HAVCR1: variants seen among roughly 807,000 people sequenced by gnomAD.
HAVCR1 encodes hepatitis A virus cellular receptor 1, also known as T cell immunoglobin domain and mucin domain protein 1.
A neutral mutation model predicts 32.0 loss-of-function variants in HAVCR1; 34 were observed. The observed-to-expected ratio is 1.06, with a 90% confidence interval of 0.81 to 1.42. HAVCR1 has a LOEUF of 1.42. Ranked by LOEUF, HAVCR1 falls within the 40% of genes most tolerant of loss-of-function variation. HAVCR1 has a pLI of 0.00. For missense variants in HAVCR1, 420 were observed against 442.3 expected, an observed-to-expected ratio of 0.95 and a Z score of 0.45; for synonymous variants, 178 against 170.3, an observed-to-expected ratio of 1.05 and a Z score of -0.35.
chr5:157,052,829 A>G (rs1274052540), intron 3 of HAVCR1, among the ~76,000 whole-genome samples, 175 bp from the exon 4 acceptor site: 2 of 152,220 alleles, frequency 1.3e-5, no homozygotes, highest in African/African-American at 4.8e-5. Flanking sequence ...AGGGCCTTGG[A>G]GACATACCCC....
At chr5:157,050,081 T>C (rs1755648232) in intron 4 of HAVCR1, among the ~76,000 whole-genome samples, 1 of 152,206 alleles carries the variant, frequency 6.6e-6, no homozygotes, top group African/African-American at 2.4e-5. Context: ...AAACCTGGCT[T>C]TCCTTATTGC....
At position 157,044,686 on chromosome 5, in the gene HAVCR1, G is replaced by GAGGA. The variant is rs1184792264; in HGVS notation, c.782-2008_782-2005dup. On this transcript the variant is annotated intron_variant, in intron 5 of 8. Coordinates refer to ENST00000523175, the MANE Select transcript of HAVCR1 (RefSeq NM_001173393.3). Reference sequence around the variant, plus strand: ...GAAAGAAAGAAAGAAAGGAGGGAGGGAGGAAGGAAGGAAGGAAGGAGAAAA... The same window carrying GAGGA: ...GAAAGAAAGAAAGAAAGGAGGGAGGGAGGAAGGAAGGAAGGAAGGAAGGAGAAAA... 8.5e-5 allele frequency among the ~76,000 whole-genome samples: 9 copies of GAGGA among 106,376 alleles called. 1 individual carries two copies. Among genetic ancestry groups the GAGGA allele is most frequent in the African/African-American group, 2.3e-4 (7 of 30,228 alleles). 69.8% of individuals were successfully genotyped at this position (106,376 alleles called of 152,430 possible).
intron 3 of HAVCR1, 113 bp downstream of exon 3, chr5:157,055,088 T>C (rs2270925): frequency 0.64 from 379,110 of 594,520 alleles, 124,125 homozygotes; most frequent in East Asian, 0.85. Context: ...GAACAAGAGT[T>C]TATTTAAAAA....
At chr5:157,039,629 G>A (rs10428636) in intron 6 of HAVCR1, among the ~76,000 whole-genome samples, 6,651 of 152,282 alleles carry the variant, frequency 0.044, 362 homozygotes, top group African/African-American at 0.12. Flanking sequence ...AATTACAGGC[G>A]TGAGCCAGCG....
chr5:157,056,537 G>A (rs1756160400), intron 2 of HAVCR1, among the ~76,000 whole-genome samples: 2 of 151,710 alleles, frequency 1.3e-5, no homozygotes, highest in Middle Eastern at 3.4e-3. Flanking sequence ...ACGCCGCCAC[G>A]CCCGGCTAAT....
At chr5:157,045,682 C>G (rs1172762400) in intron 5 of HAVCR1, among the ~76,000 whole-genome samples, 1 of 152,132 alleles carries the variant, frequency 6.6e-6, no homozygotes, top group Non-Finnish European at 1.5e-5. Flanking sequence ...ATACATCTGT[C>G]AAAGGTGGGT....
intron 1 of HAVCR1, 40 bp downstream of exon 1, chr5:157,058,881 A>C (rs1353340381): frequency 6.6e-6 from 1 of 152,248 alleles, no homozygotes; most frequent in Non-Finnish European, 1.5e-5. Context: ...AGGGACTTCA[A>C]GAGAATGCTT....
chr5:157,066,031 G>C, the HAVCR1 span, among the ~76,000 whole-genome samples: 5 of 123,266 alleles, frequency 4.1e-5, no homozygotes, highest in Admixed American at 4.8e-4. Flanking sequence ...ACTCCAGCCT[G>C]GGCGAGAGAG....
At chr5:157,041,152 A>G (rs1754867628) in intron 6 of HAVCR1, among the ~76,000 whole-genome samples, 1 of 152,222 alleles carries the variant, frequency 6.6e-6, no homozygotes, top group Non-Finnish European at 1.5e-5. Flanking sequence ...GAAAAAAAGT[A>G]TGGAAACATT....
In HAVCR1 at chr5:157,056,058, T is replaced by C. The variant is rs141733207; in HGVS notation, c.47-525A>G. ...CCCGCCTCCTGGGTTCAAGCAATTC[T>C]CATGCATCAGCCTCCCAAGTAGCTG... On this transcript the variant is annotated intron_variant, in intron 2 of 8. Coordinates refer to ENST00000523175, the MANE Select transcript of HAVCR1 (RefSeq NM_001173393.3). 3.5e-3 allele frequency among the ~76,000 whole-genome samples: 537 copies of C among 151,970 alleles called. 5 individuals carry two copies. Among genetic ancestry groups the C allele is most frequent in the African/African-American group, 0.012 (494 of 41,498 alleles).
At chr5:157,048,923 T>C (rs1755575686) in intron 5 of HAVCR1, 115 bp downstream of exon 5, 1 of 686,974 alleles carries the variant, frequency 1.5e-6, no homozygotes, top group Non-Finnish European at 2.7e-6. Context: ...GACTGATCTG[T>C]GTGCCTGGTG....
chr5:157,042,432 A>T (rs1754960049), intron 6 of HAVCR1, among the ~76,000 whole-genome samples, 195 bp downstream of exon 6: 1 of 113,458 alleles, frequency 8.8e-6, no homozygotes, highest in Non-Finnish European at 1.8e-5. Context: ...ACAGAGCAAG[A>T]CTCCGTCTCA....
intron 6 of HAVCR1, among the ~76,000 whole-genome samples, chr5:157,037,944 T>C (rs1754636200): frequency 6.6e-6 from 1 of 151,824 alleles, no homozygotes; most frequent in South Asian, 2.1e-4. Flanking sequence ...ACCCGGGAGG[T>C]TGCAGTGAGC....
At chr5:157,029,929 G>A (rs1005220481) in intron 8 of HAVCR1, 88 bp from the exon 9 acceptor site, 3 of 1,041,044 alleles carry the variant, frequency 2.9e-6, no homozygotes, top group Non-Finnish European at 4.2e-6. Flanking sequence ...TTTATGATCA[G>A]GCAATATCAG....
upstream of HAVCR1, among the ~76,000 whole-genome samples, chr5:157,061,044 C>G (rs561893997): frequency 6.6e-6 from 1 of 152,150 alleles, no homozygotes; most frequent in Non-Finnish European, 1.5e-5. Context: ...ACTACAGACA[C>G]GCGCCACCAT....
At position 157,043,766 on chromosome 5, in the gene HAVCR1, T is replaced by G. The variant is rs1182393287; in HGVS notation, c.782-1084A>C. 2.6e-5 allele frequency among the ~76,000 whole-genome samples: 4 copies of G among 152,202 alleles called. No individual in the cohort carries two copies. In the East Asian group the frequency reaches 7.7e-4, roughly 29 times the overall value. ...TCTACCATGTAGTGAACACTTTACC[T>G]TCTAACAACCAGTTAGTTCCTTAAT... is the stretch of plus-strand genomic sequence containing the variant. On this transcript the variant is annotated intron_variant, in intron 5 of 8. Coordinates refer to ENST00000523175, the MANE Select transcript of HAVCR1 (RefSeq NM_001173393.3).
Position 157,029,663 on chromosome 5 carries a change from T to A in HAVCR1, c.*70A>T, listed in dbSNP as rs1561575186. 1.2e-6 allele frequency: 2 copies of A among 1,604,324 alleles called. No individual in the cohort carries two copies. The highest frequency in any genetic ancestry group is 2.7e-5 in the African/African-American group (2 of 74,808). On this transcript the variant is annotated 3_prime_UTR_variant, in exon 9 of 9. Coordinates refer to ENST00000523175, the MANE Select transcript of HAVCR1 (RefSeq NM_001173393.3). ...AAATTGTCTTGGGGTCTAAAAGACG[T>A]CTGATGTGCTGATGTCTGTTCAGTC... is the stretch of plus-strand genomic sequence containing the variant.
intron 3 of HAVCR1, 62 bp downstream of exon 3, chr5:157,055,139 A>C (rs1274697408): frequency 1.1e-6 from 1 of 912,616 alleles, no homozygotes; most frequent in Admixed American, 2.4e-5. Flanking sequence ...TTAAGAAAAA[A>C]GAAAATTACT....
the HAVCR1 span, among the ~76,000 whole-genome samples, chr5:157,064,339 C>CAAAAAAA: frequency 3.2e-5 from 2 of 63,332 alleles, no homozygotes; most frequent in African/African-American, 9.1e-5. Flanking sequence ...CCTGTCTCTA[C>CAAAAAAA]AAAAAAAAAA....
Sources: allele counts gnomAD v4.1 joint callset (sites outside exome capture counted in the v4.1 genomes callset), GRCh38; gene constraint gnomAD v4.1.1; transcripts MANE v1.5; gene names NCBI Gene and HGNC (gene_info 2026-07-23, HGNC 2026-07-21).